Variants in NRXN1 observed in about 807,000 individuals in gnomAD.
NRXN1 encodes the protein neurexin 1, also known as neurexin-1.
A neutral mutation model predicts 150.9 loss-of-function variants in NRXN1; 39 were observed. The ratio of observed to expected loss-of-function variants is 0.26; its 90% CI spans 0.20 to 0.34. The LOEUF is 0.34. Among genes scored for constraint, NRXN1 ranks in the 10% least tolerant of loss-of-function variants. The probability of loss-of-function intolerance (pLI) is 1.00; values close to 1 mark genes in which losing one functional copy is unlikely to be tolerated. For missense variants in NRXN1, 1,815 were observed against 1,949.9 expected, an observed-to-expected ratio of 0.93 and a Z score of 1.30; for synonymous variants, 924 against 757.0, an observed-to-expected ratio of 1.22 and a Z score of -3.62.
chr2:50,250,661 C>A (rs1234486714), intron 17 of NRXN1, among the ~76,000 whole-genome samples: 4 of 151,648 alleles, frequency 2.6e-5, no homozygotes, highest in Non-Finnish European at 4.4e-5. Flanking sequence ...CATAAATTCA[C>A]AAAAGTAGAA....
At chr2:50,670,877 A>G (rs1023092966) in intron 5 of NRXN1, among the ~76,000 whole-genome samples, 2 of 151,892 alleles carry the variant, frequency 1.3e-5, no homozygotes, top group Non-Finnish European at 1.5e-5. Flanking sequence ...TCTGGAGGTA[A>G]ATGATATTGC....
intron 2 of NRXN1, among the ~76,000 whole-genome samples, chr2:50,940,490 G>T (rs998168602): frequency 7.0e-6 from 1 of 142,536 alleles, no homozygotes; most frequent in Admixed American, 6.9e-5. Context: ...AAAAAAAAAA[G>T]AAAAGAAAAG....
rs147679799 is a variant in NRXN1, at chr2:50,261,550, A to C, written c.3365-24580T>G. 3.6e-4 allele frequency among the ~76,000 whole-genome samples: 54 copies of C among 151,990 alleles called. No homozygotes were observed. The East Asian group carries it at 8.9e-3, about 25-fold the overall frequency. On this transcript the variant is annotated intron_variant, in intron 17 of 22. Coordinates refer to ENST00000401669, the MANE Select transcript of NRXN1 (RefSeq NM_001330078.2). Reference sequence around the variant, plus strand: ...CCATAGACTTAAGTCACAAGACATAAATATACTTATGGAACTCTAATGCCC... The same window carrying C: ...CCATAGACTTAAGTCACAAGACATACATATACTTATGGAACTCTAATGCCC...
intron 18 of NRXN1, among the ~76,000 whole-genome samples, chr2:50,203,277 TCTAA>T (rs1413350379): frequency 2.2e-4 from 33 of 152,186 alleles, no homozygotes; most frequent in Admixed American, 2.1e-3. Flanking sequence ...GGTACATTGG[TCTAA>T]CTTTTTCTTA....
intron 19 of NRXN1, among the ~76,000 whole-genome samples, chr2:50,059,630 C>G (rs568417195): frequency 6.6e-6 from 1 of 152,316 alleles, no homozygotes; most frequent in South Asian, 2.1e-4. Flanking sequence ...CACTTCCTAT[C>G]ACAAGCCAGG....
At chr2:50,656,481 A>G in intron 5 of NRXN1, 1 of 712,824 alleles carries the variant, frequency 1.4e-6, no homozygotes, top group South Asian at 1.5e-5. Context: ...CTGTTTAAAC[A>G]TTCACACCAA....
At chr2:51,000,656 G>A (rs1699914746) in intron 2 of NRXN1, among the ~76,000 whole-genome samples, 1 of 151,842 alleles carries the variant, frequency 6.6e-6, no homozygotes, top group Non-Finnish European at 1.5e-5. Context: ...AAAAAGTGAA[G>A]AAGTAGAAAT....
intron 18 of NRXN1, among the ~76,000 whole-genome samples, chr2:50,220,521 T>C (rs1210264021): frequency 6.6e-6 from 1 of 151,982 alleles, no homozygotes; most frequent in East Asian, 1.9e-4. Flanking sequence ...ACACTTTAGA[T>C]TTCAGGCTAG....
At chr2:50,747,906 T>C (rs1700185514) in intron 5 of NRXN1, among the ~76,000 whole-genome samples, 1 of 152,122 alleles carries the variant, frequency 6.6e-6, no homozygotes, top group Non-Finnish European at 1.5e-5. Context: ...ATATGGGATG[T>C]GATCACCAAA....
At chr2:50,695,962 C>G (rs964410143) in intron 5 of NRXN1, among the ~76,000 whole-genome samples, 1 of 151,498 alleles carries the variant, frequency 6.6e-6, no homozygotes, top group South Asian at 2.1e-4. Flanking sequence ...TCTGTCTCAG[C>G]CTCCCAAGCA....
At position 50,346,579 on chromosome 2, in the gene NRXN1, T is replaced by A; in HGVS notation, c.3365-109609A>T. ...CGCACCAAGCACACCCAAATGCACCTCCCTTTTGTCGAGCTCCCATTTCTC... is the reference window on the plus strand; with the variant it reads ...CGCACCAAGCACACCCAAATGCACCACCCTTTTGTCGAGCTCCCATTTCTC... On this transcript the variant is annotated intron_variant, in intron 17 of 22. Coordinates refer to ENST00000401669, the MANE Select transcript of NRXN1 (RefSeq NM_001330078.2). This position sits in a 1 kb window ranked among gnomAD's most constrained non-coding sequence, Gnocchi z 5.0. The A allele has an allele frequency of 5.4e-6, 6 of 1,113,846 alleles. No individual in the cohort carries two copies. Among genetic ancestry groups the A allele is most frequent in the African/African-American group, 1.6e-5 (1 of 63,932 alleles). The allele number at this position is 1,113,846 out of a possible 1,614,324, so 69.0% of individuals were successfully genotyped here. A position where few individuals can be genotyped will look rare whatever the true frequency, so the allele number is the denominator to read the frequency against.
chr2:50,458,190 A>G (rs564577166), intron 17 of NRXN1, among the ~76,000 whole-genome samples: 1 of 152,266 alleles, frequency 6.6e-6, no homozygotes, highest in Admixed American at 6.5e-5. Context: ...CAGAAAGACA[A>G]ATATCGCATG....
At chr2:50,447,723 T>C (rs1471811767) in intron 17 of NRXN1, among the ~76,000 whole-genome samples, 1 of 98,070 alleles carries the variant, frequency 1.0e-5, no homozygotes. Context: ...AATCACATAG[T>C]AAGCAGGGGA....
chr2:50,844,761 C>T (rs1673387440), intron 5 of NRXN1, among the ~76,000 whole-genome samples: 1 of 152,112 alleles, frequency 6.6e-6, no homozygotes, highest in African/African-American at 2.4e-5. Context: ...AACACACTAC[C>T]AGAGGCCAGA....
At chr2:50,335,839 G>A (rs964276106) in intron 17 of NRXN1, among the ~76,000 whole-genome samples, 1 of 151,080 alleles carries the variant, frequency 6.6e-6, no homozygotes, top group African/African-American at 2.4e-5. Context: ...AATGAAATGT[G>A]TTTTAAAAAG....
At chr2:50,387,155 C>T (rs142035493) in intron 17 of NRXN1, among the ~76,000 whole-genome samples, 387 of 152,084 alleles carry the variant, frequency 2.5e-3, no homozygotes, top group African/African-American at 8.9e-3. Context: ...TACAATTTGT[C>T]TGGTATTGTA....
intron 5 of NRXN1, among the ~76,000 whole-genome samples, chr2:50,878,521 C>T (rs1678946598): frequency 6.6e-6 from 1 of 151,916 alleles, no homozygotes; most frequent in South Asian, 2.1e-4. Flanking sequence ...AAACCAGAAA[C>T]CCATGTGGGC....
intron 2 of NRXN1, among the ~76,000 whole-genome samples, chr2:51,021,371 C>A (rs957360025): frequency 6.6e-6 from 1 of 151,818 alleles, no homozygotes; most frequent in Non-Finnish European, 1.5e-5. Context: ...ATGTGGTCAA[C>A]GACTATTTTC....
chr2:49,957,568 T>C (rs534282707), intron 21 of NRXN1, among the ~76,000 whole-genome samples: 1 of 152,282 alleles, frequency 6.6e-6, no homozygotes, highest in South Asian at 2.1e-4. Context: ...GAAGATTATA[T>C]GTTTGATAGG....
Sources: gnomAD v4.1 joint callset for allele counts (sites outside exome capture counted in the v4.1 genomes callset) on GRCh38, gnomAD v4.1.1 for gene constraint, Gnocchi (gnomAD v3.1) non-coding constraint, MANE v1.5 for transcripts, NCBI Gene and HGNC (gene_info 2026-07-23, HGNC 2026-07-21) for gene names.